Variants in IGF2BP2 observed in about 807,000 individuals in gnomAD.
IGF2BP2 encodes insulin like growth factor 2 mRNA binding protein 2.
IGF2BP2 carries 17 observed loss-of-function variants against 75.8 expected under a neutral mutation model. The observed-to-expected ratio is 0.22, with a 90% CI of 0.15 to 0.34. The LOEUF (loss-of-function observed/expected upper bound fraction) is 0.34, where lower values mean the gene tolerates loss of function less well. Ranked by LOEUF, IGF2BP2 falls within the 10% of genes least tolerant of loss-of-function variation. The pLI, the probability that IGF2BP2 is intolerant of heterozygous loss-of-function variation, is 1.00. For missense variants in IGF2BP2, 516 were observed against 772.4 expected, an observed-to-expected ratio of 0.67 and a Z score of 3.93; for synonymous variants, 288 against 295.6, an observed-to-expected ratio of 0.97 and a Z score of 0.26.
Position 185,697,096 on chromosome 3 carries a change from T to A in IGF2BP2, c.289-433A>T, listed in dbSNP as rs982182190. Among the ~76,000 whole-genome samples the A allele has an allele frequency of 6.1e-5, 9 of 147,790 alleles. No individual in the cohort carries two copies. In the South Asian group the frequency reaches 1.9e-3, roughly 31 times the overall value. Reference sequence around the variant, plus strand: ...TGAAATGTTCCATAATAATCAGGTTTTTTGTTTTGTTTTGTTTTGTTTGAG... The same window carrying A: ...TGAAATGTTCCATAATAATCAGGTTATTTGTTTTGTTTTGTTTTGTTTGAG... On this transcript the variant is annotated intron_variant, in intron 3 of 15. Transcript: ENST00000382199.
intron 2 of IGF2BP2, among the ~76,000 whole-genome samples, chr3:185,730,828 A>C (rs1728064814): frequency 6.6e-6 from 1 of 152,028 alleles, no homozygotes; most frequent in African/African-American, 2.4e-5. Context: ...GTACTAATTT[A>C]CACTTACACT....
intron 7 of IGF2BP2, among the ~76,000 whole-genome samples, chr3:185,681,121 G>A (rs567585217): frequency 6.6e-6 from 1 of 152,178 alleles, no homozygotes; most frequent in East Asian, 1.9e-4. Context: ...GAAATAAAAG[G>A]CATTCGAATT....
intron 2 of IGF2BP2, among the ~76,000 whole-genome samples, chr3:185,743,877 C>G (rs1169779661): frequency 6.6e-6 from 1 of 152,190 alleles, no homozygotes; most frequent in African/African-American, 2.4e-5. Flanking sequence ...CATAGAAAAT[C>G]AAAGGTAATC....
At chr3:185,812,194 G>A (rs1283941382) in intron 2 of IGF2BP2, among the ~76,000 whole-genome samples, 1 of 152,220 alleles carries the variant, frequency 6.6e-6, no homozygotes, top group African/African-American at 2.4e-5. Flanking sequence ...CAGATAAGAG[G>A]AGGGCTGCTC....
In IGF2BP2 at chr3:185,668,188, T is replaced by C. The variant is rs76876886; in HGVS notation, c.1200+4353A>G. Among the ~76,000 whole-genome samples the C allele has an allele frequency of 3.7e-3, 563 of 152,252 alleles. 4 individuals carry two copies. Among genetic ancestry groups the C allele is most frequent in the Middle Eastern group, 0.01 (3 of 294 alleles). ...CAAATGCGTAAAACTAGTGTGCTGGTTACAAAAATTATGATAAACTCATTT... is the reference window on the plus strand; with the variant it reads ...CAAATGCGTAAAACTAGTGTGCTGGCTACAAAAATTATGATAAACTCATTT... On this transcript the variant is annotated intron_variant, in intron 10 of 15. Transcript: ENST00000382199.
chr3:185,691,186 C>T (rs1721906578), intron 5 of IGF2BP2, among the ~76,000 whole-genome samples: 1 of 152,160 alleles, frequency 6.6e-6, no homozygotes. Flanking sequence ...GCAACCTCTG[C>T]CTCCCAAGTT....
At chr3:185,663,193 G>C (rs1419772484) in intron 10 of IGF2BP2, among the ~76,000 whole-genome samples, 3 of 152,364 alleles carry the variant, frequency 2.0e-5, no homozygotes, top group Non-Finnish European at 2.9e-5. Flanking sequence ...GTGGCCATTA[G>C]ACTCACTGTC....
intron 2 of IGF2BP2, among the ~76,000 whole-genome samples, chr3:185,741,543 T>C (rs1256331512): frequency 2.0e-5 from 3 of 152,204 alleles, no homozygotes; most frequent in African/African-American, 7.2e-5. Flanking sequence ...AACTGCTATT[T>C]GTCATTGTCA....
rs1206441943 is a variant in IGF2BP2 at position 185,647,634 on chromosome 3, T to C, written c.1594-496A>G. Among the ~76,000 whole-genome samples, 7 of 152,188 alleles carry C rather than the reference T, an allele frequency of 4.6e-5. No homozygotes were observed. On this transcript the variant is annotated intron_variant, in intron 14 of 15. Transcript: ENST00000382199. This position sits in a 1 kb window ranked among gnomAD's most constrained non-coding sequence, Gnocchi z 4.9. ...TGCCGCCAAGACTTGCTCATGCTGT[T>C]CCTACCCTTGGATTGTTGTCCTCTC...
intron 7 of IGF2BP2, among the ~76,000 whole-genome samples, chr3:185,676,599 G>T (rs1166926245): frequency 4.6e-5 from 7 of 151,336 alleles, no homozygotes; most frequent in Admixed American, 6.6e-5. Flanking sequence ...CTTGAGCCAG[G>T]GAGGCCAAAG....
At position 185,701,612 on chromosome 3, in the gene IGF2BP2, C is replaced by T. The variant is rs145007848; in HGVS notation, c.240-3265G>A. ...AAATACTAACTGAATGCATCTAAAACAATGGCATTTCCCTGTAATAGTTCA... is the reference window on the plus strand; with the variant it reads ...AAATACTAACTGAATGCATCTAAAATAATGGCATTTCCCTGTAATAGTTCA... On this transcript the variant is annotated intron_variant, in intron 2 of 15. Transcript: ENST00000382199. Among the ~76,000 whole-genome samples, 28 of 152,320 alleles carry T rather than the reference C, an allele frequency of 1.8e-4. No individual in the cohort carries two copies. The East Asian group carries it at 4.4e-3, about 24-fold the overall frequency.
At chr3:185,651,454 T>C (rs1174606924) in intron 13 of IGF2BP2, among the ~76,000 whole-genome samples, 2 of 152,210 alleles carry the variant, frequency 1.3e-5, no homozygotes, top group East Asian at 3.8e-4. Context: ...GGGATCCTCC[T>C]GCCTCTGCCT....
At chr3:185,733,679 C>T (rs932214689) in intron 2 of IGF2BP2, among the ~76,000 whole-genome samples, 3 of 152,102 alleles carry the variant, frequency 2.0e-5, no homozygotes, top group African/African-American at 7.2e-5. Flanking sequence ...TCGCTTGAAC[C>T]CGGGAGGCGG....
At chr3:185,803,823 G>A (rs1160186244) in intron 2 of IGF2BP2, among the ~76,000 whole-genome samples, 2 of 152,204 alleles carry the variant, frequency 1.3e-5, no homozygotes, top group Non-Finnish European at 2.9e-5. Context: ...AGGGAAATAA[G>A]CTATTTAAAC....
intron 2 of IGF2BP2, among the ~76,000 whole-genome samples, chr3:185,774,848 C>T (rs780416843): frequency 4.0e-5 from 6 of 151,708 alleles, no homozygotes; most frequent in African/African-American, 9.7e-5. Flanking sequence ...GATGAAACCC[C>T]GTCTCTACTA....
At chr3:185,811,934 C>A (rs1739945367) in intron 2 of IGF2BP2, among the ~76,000 whole-genome samples, 1 of 151,326 alleles carries the variant, frequency 6.6e-6, no homozygotes, top group Non-Finnish European at 1.5e-5. Flanking sequence ...CAACACGTAG[C>A]TAAATTCCAA....
intron 2 of IGF2BP2, among the ~76,000 whole-genome samples, chr3:185,761,530 A>G (rs1214638288): frequency 1.3e-5 from 2 of 152,146 alleles, no homozygotes; most frequent in African/African-American, 4.8e-5. Context: ...TATTTAAGAC[A>G]TTTTACTGGG....
At chr3:185,689,146 T>C (rs1721558565) in intron 6 of IGF2BP2, 6 of 582,850 alleles carry the variant, frequency 1.0e-5, no homozygotes, top group South Asian at 2.2e-5. Context: ...GTACCCTCTT[T>C]ATGAACTTTT....
At chr3:185,820,200 C>T (rs1384658456) in intron 2 of IGF2BP2, among the ~76,000 whole-genome samples, 1 of 145,980 alleles carries the variant, frequency 6.9e-6, no homozygotes, top group African/African-American at 2.6e-5. Flanking sequence ...ACAAGGCATG[C>T]AGTATGTGTG....
Sources: allele counts gnomAD v4.1 joint callset (sites outside exome capture counted in the v4.1 genomes callset), GRCh38; gene constraint gnomAD v4.1.1; non-coding constraint Gnocchi (gnomAD v3.1); transcripts MANE v1.5; gene names NCBI Gene and HGNC (gene_info 2026-07-23, HGNC 2026-07-21).